NRXN3: variants seen among roughly 807,000 people sequenced by gnomAD.
NRXN3 encodes neurexin 3.
A neutral mutation model predicts 137.6 loss-of-function variants in NRXN3; 32 were observed. That is an observed-to-expected ratio of 0.23 (90% CI 0.18 to 0.31). The LOEUF (loss-of-function observed/expected upper bound fraction) is 0.31. NRXN3 is among the 10% of genes least tolerant of loss of function. The pLI is 1.00. For synonymous variants in NRXN3, 798 were observed against 784.5 expected, an observed-to-expected ratio of 1.02 and a Z score of -0.29; for missense variants, 1,574 against 2,062.5, an observed-to-expected ratio of 0.76 and a Z score of 4.59.
chr14:78,318,180 G>A (rs946462263), intron 4 of NRXN3, among the ~76,000 whole-genome samples: 1 of 152,170 alleles, frequency 6.6e-6, no homozygotes, highest in African/African-American at 2.4e-5. Context: ...GCCAGCATAG[G>A]TAACATTTGG....
At chr14:79,053,481 T>C (rs547791316) in intron 15 of NRXN3, among the ~76,000 whole-genome samples, 62 of 152,272 alleles carry the variant, frequency 4.1e-4, no homozygotes, top group Non-Finnish European at 6.8e-4. Context: ...ATATCTACCT[T>C]TCCTTGATGG....
chr14:79,049,939 A>G (rs868317324), intron 15 of NRXN3, among the ~76,000 whole-genome samples: 18 of 151,908 alleles, frequency 1.2e-4, no homozygotes, highest in Non-Finnish European at 1.9e-4. Flanking sequence ...CAGGAGTCTC[A>G]CTCTGTTTGT....
chr14:78,506,039 A>G (rs2095982906), intron 4 of NRXN3, among the ~76,000 whole-genome samples: 1 of 152,114 alleles, frequency 6.6e-6, no homozygotes, highest in Non-Finnish European at 1.5e-5. Flanking sequence ...GCTCAATACC[A>G]TATTATTAAC....
chr14:78,750,469 T>A (rs946431723), intron 8 of NRXN3, among the ~76,000 whole-genome samples: 12 of 152,124 alleles, frequency 7.9e-5, no homozygotes, highest in Non-Finnish European at 1.2e-4. Context: ...TGAGATAGGA[T>A]GTGTCTTTTC....
At chr14:78,617,130 A>AT (rs894377577) in intron 4 of NRXN3, among the ~76,000 whole-genome samples, 2 of 152,030 alleles carry the variant, frequency 1.3e-5, no homozygotes, top group African/African-American at 2.4e-5. Flanking sequence ...ATGTATATAT[A>AT]TTTTTTTTCC....
In NRXN3 at chr14:79,796,744, A is replaced by C. The variant is rs116933510; in HGVS notation, c.4015-8368A>C. Among the ~76,000 whole-genome samples the C allele has an allele frequency of 2.2e-3, 336 of 152,306 alleles. 10 individuals are homozygous for C. The East Asian group carries it at 0.044, about 20-fold the overall frequency. ...GTCACGTCATTCTTTATCCTGCTCT[A>C]GTATATGCATTGTGGAAAAGAAGAA... is the stretch of plus-strand genomic sequence containing the variant. On this transcript the variant is annotated intron_variant, in intron 19 of 20. Coordinates refer to ENST00000335750, the MANE Select transcript of NRXN3 (RefSeq NM_001330195.2).
At chr14:78,230,593 G>A (rs2065263220) in intron 1 of NRXN3, among the ~76,000 whole-genome samples, 1 of 152,184 alleles carries the variant, frequency 6.6e-6, no homozygotes, top group Non-Finnish European at 1.5e-5. Flanking sequence ...TGGGGACCCA[G>A]AGAAGAGGGA....
At chr14:79,206,291 GA>G (rs1404781573) in intron 15 of NRXN3, among the ~76,000 whole-genome samples, 7 of 152,272 alleles carry the variant, frequency 4.6e-5, no homozygotes, top group Non-Finnish European at 8.8e-5. Context: ...AGGGCCTTCG[GA>G]GGCAGGTAAT....
intron 15 of NRXN3, among the ~76,000 whole-genome samples, chr14:79,439,042 C>A (rs1446509699): frequency 6.6e-6 from 1 of 152,224 alleles, no homozygotes; most frequent in Non-Finnish European, 1.5e-5. Context: ...TTCTTTCATG[C>A]AGTTATTTTC....
chr14:79,561,784 T>C (rs999031551), intron 16 of NRXN3, among the ~76,000 whole-genome samples: 1 of 152,114 alleles, frequency 6.6e-6, no homozygotes, highest in African/African-American at 2.4e-5. Flanking sequence ...CTCATTCCAA[T>C]TGGAATCTGT....
At chr14:79,297,596 G>A (rs1003563225) in intron 15 of NRXN3, among the ~76,000 whole-genome samples, 4 of 152,068 alleles carry the variant, frequency 2.6e-5, no homozygotes, top group Non-Finnish European at 5.9e-5. Flanking sequence ...TTCTGGCAGC[G>A]CATGTAGGCT....
intron 16 of NRXN3, among the ~76,000 whole-genome samples, chr14:79,631,154 G>A (rs1361894178): frequency 2.0e-5 from 3 of 152,224 alleles, no homozygotes; most frequent in African/African-American, 7.2e-5. Context: ...GCTAAGACAA[G>A]GTCCTTGTCC....
intron 2 of NRXN3, among the ~76,000 whole-genome samples, chr14:78,244,280 A>G (rs1289603478): frequency 6.6e-6 from 1 of 152,112 alleles, no homozygotes; most frequent in Non-Finnish European, 1.5e-5. Context: ...AAATACAAAA[A>G]TTAGCTGGGC....
At chr14:78,442,329 G>T (rs1472115034) in intron 4 of NRXN3, among the ~76,000 whole-genome samples, 1 of 151,866 alleles carries the variant, frequency 6.6e-6, no homozygotes, top group Non-Finnish European at 1.5e-5. Flanking sequence ...AGAAAGAGGA[G>T]GAGACAGTGA....
At chr14:78,512,809 A>G (rs894795616) in intron 4 of NRXN3, among the ~76,000 whole-genome samples, 3 of 152,196 alleles carry the variant, frequency 2.0e-5, no homozygotes, top group African/African-American at 4.8e-5. Flanking sequence ...ACCACAAGGT[A>G]GGAAGAGTTT....
intron 15 of NRXN3, among the ~76,000 whole-genome samples, chr14:79,056,737 C>A (rs1408375146): frequency 6.6e-6 from 1 of 152,054 alleles, no homozygotes; most frequent in East Asian, 1.9e-4. Flanking sequence ...ACCATCAAAG[C>A]AAATGTCTCT....
At chr14:78,670,286 G>A (rs1386735725) in intron 6 of NRXN3, among the ~76,000 whole-genome samples, 1 of 152,150 alleles carries the variant, frequency 6.6e-6, no homozygotes, top group African/African-American at 2.4e-5. Context: ...TTGGTTCCAA[G>A]TCCTTGCTAT....
chr14:79,635,250 T>G (rs906041805), intron 16 of NRXN3, among the ~76,000 whole-genome samples: 17 of 152,152 alleles, frequency 1.1e-4, no homozygotes, highest in African/African-American at 3.6e-4. Context: ...GAGAGAAACA[T>G]GAGCTAAAAA....
At chr14:79,716,317 C>G (rs768791834) in intron 19 of NRXN3, among the ~76,000 whole-genome samples, 1 of 152,164 alleles carries the variant, frequency 6.6e-6, no homozygotes, top group African/African-American at 2.4e-5. Context: ...GTACATGAAA[C>G]TATGCTTGCT....
Sources: gnomAD v4.1 joint callset for allele counts (sites outside exome capture counted in the v4.1 genomes callset) on GRCh38, gnomAD v4.1.1 for gene constraint, MANE v1.5 for transcripts, NCBI Gene and HGNC (gene_info 2026-07-23, HGNC 2026-07-21) for gene names.